SIM2: variants seen among roughly 807,000 people sequenced by gnomAD.
The protein encoded by SIM2 is single-minded homolog 2.
Under a neutral mutation model 64.8 loss-of-function variants are expected in SIM2, and 28 were observed. That is an observed-to-expected ratio of 0.43 (90% confidence interval 0.32 to 0.59). The LOEUF is 0.59. SIM2 is among the 20% of genes least tolerant of loss of function. The pLI is 0.07. For missense variants in SIM2, 847 were observed against 871.4 expected, an observed-to-expected ratio of 0.97 and a Z score of 0.35; for synonymous variants, 408 against 391.1, an observed-to-expected ratio of 1.04 and a Z score of -0.51.
At chr21:36,720,672 A>T in intron 4 of SIM2, 1 of 152,230 alleles carries the variant, frequency 6.6e-6, no homozygotes, top group East Asian at 1.9e-4. Flanking sequence ...ATGTATTTAA[A>T]AATGTTACTC....
chr21:36,742,785 G>A (rs933524719), intron 8 of SIM2, among the ~76,000 whole-genome samples: 3 of 152,228 alleles, frequency 2.0e-5, no homozygotes, highest in African/African-American at 7.2e-5. Flanking sequence ...TAGAAGTCAA[G>A]TGATTCTGAC....
Position 36,745,784 on chromosome 21 carries a change from C to A in SIM2, c.1576+648C>A. The A allele has an allele frequency of 7.7e-7, 1 of 1,303,582 alleles. No individual in the cohort carries two copies. The highest frequency in any genetic ancestry group is 1.0e-6 in the Non-Finnish European group (1 of 988,444). The allele number at this position is 1,303,582 out of a possible 1,614,324, so 80.8% of individuals were successfully genotyped here. On this transcript the variant is annotated intron_variant, in intron 10 of 10. Transcript: ENST00000290399. The surrounding 1 kb of genome is among the most constrained non-coding windows in gnomAD (Gnocchi z 4.8). ...AGAAAGGAATGGCCTTTCACCTTCTCCTGGTGGCAGGCAAGCAGATGTCCT... is the reference window on the plus strand; with the variant it reads ...AGAAAGGAATGGCCTTTCACCTTCTACTGGTGGCAGGCAAGCAGATGTCCT...
intron 5 of SIM2, among the ~76,000 whole-genome samples, chr21:36,723,795 A>G (rs2123459292): frequency 6.6e-6 from 1 of 152,298 alleles, no homozygotes; most frequent in South Asian, 2.1e-4. Context: ...TGTTCTTGTT[A>G]ATTCCAGAAT....
chr21:36,700,063 T>A (rs2088467365), intron 1 of SIM2, 142 bp downstream of exon 1: 3 of 839,586 alleles, frequency 3.6e-6, no homozygotes, highest in Non-Finnish European at 5.3e-6. Context: ...TGCGTGAGGG[T>A]CTTCGGCTTC....
At chr21:36,736,925 T>C (rs1204780142) in intron 7 of SIM2, among the ~76,000 whole-genome samples, 3 of 151,952 alleles carry the variant, frequency 2.0e-5, no homozygotes, top group Non-Finnish European at 4.4e-5. Flanking sequence ...TTCTCTCTCT[T>C]TCTTCATTTT....
chr21:36,747,943 G>A lies in SIM2; in HGVS notation c.1855G>A (p.Ala619Thr), dbSNP rs1282306789. ...ACCGCTGGGGGGCGCCGCACCCGCC[G>A]CCTCCGGCCTGGCCTGCGCTCCCGG... is the stretch of plus-strand genomic sequence containing the variant. ...RGPLGGAAPA[A>T]SGLACAPGGP... The change falls in exon 11 of 11, where the codon GCC becomes ACC. Residue 619 changes from alanine to threonine, a missense_variant. By Grantham distance (58) the Ala-to-Thr change is moderately conservative (BLOSUM62 0). Coordinates refer to ENST00000290399, the MANE Select transcript of SIM2 (RefSeq NM_005069.6). This position sits in a 1 kb window ranked among gnomAD's most constrained non-coding sequence, Gnocchi z 4.5. 9 of 1,021,702 alleles carry A rather than the reference G, an allele frequency of 8.8e-6. No homozygotes were observed. Among genetic ancestry groups the A allele is most frequent in the Non-Finnish European group, 1.1e-5 (9 of 856,448 alleles). 63.3% of individuals were successfully genotyped at this position (1,021,702 alleles called of 1,614,324 possible).
intron 6 of SIM2, among the ~76,000 whole-genome samples, chr21:36,728,551 C>A (rs551782648): frequency 6.6e-6 from 1 of 152,354 alleles, no homozygotes; most frequent in Admixed American, 6.5e-5. Context: ...CATCCTGCCT[C>A]TCCCAGATCT....
chr21:36,715,128 GC>G (rs1207887860), intron 3 of SIM2, among the ~76,000 whole-genome samples: 9 of 152,166 alleles, frequency 5.9e-5, no homozygotes, highest in African/African-American at 2.2e-4. Flanking sequence ...TCAGTTCACA[GC>G]TACAAAAACA....
intron 2 of SIM2, chr21:36,710,473 C>A (rs1339165053): frequency 6.6e-6 from 1 of 152,246 alleles, no homozygotes; most frequent in Admixed American, 6.5e-5. Context: ...CTTTCAAATG[C>A]CCTTTACAGA....
chr21:36,716,801 A>C (rs567959767), intron 3 of SIM2, among the ~76,000 whole-genome samples: 20 of 152,144 alleles, frequency 1.3e-4, no homozygotes, highest in Non-Finnish European at 2.6e-4. Context: ...ATCACATGGA[A>C]GGTCTGTTTT....
rs141225778 is a variant in SIM2, at chr21:36,736,074, C to T, written c.850+4923C>T. ...TGGCCCCGTGGCTGCCCGAGGGATGCGGGGACACAGGCAGCCTGCCAGCTT... is the reference window on the plus strand; with the variant it reads ...TGGCCCCGTGGCTGCCCGAGGGATGTGGGGACACAGGCAGCCTGCCAGCTT... On this transcript the variant is annotated intron_variant, in intron 7 of 10. Coordinates refer to ENST00000290399, the MANE Select transcript of SIM2 (RefSeq NM_005069.6). Among the ~76,000 whole-genome samples the T allele has an allele frequency of 8.0e-3, 1,218 of 152,308 alleles. 12 individuals carry two copies. Among genetic ancestry groups the T allele is most frequent in the African/African-American group, 0.028 (1,151 of 41,568 alleles).
intron 6 of SIM2, among the ~76,000 whole-genome samples, chr21:36,727,492 T>C (rs748947646): frequency 6.6e-6 from 1 of 152,246 alleles, no homozygotes; most frequent in Non-Finnish European, 1.5e-5. Context: ...TAGTCAGGCC[T>C]CTTCCATGTT....
chr21:36,719,085 G>C (rs2088784761), intron 3 of SIM2, among the ~76,000 whole-genome samples: 1 of 152,198 alleles, frequency 6.6e-6, no homozygotes, highest in Non-Finnish European at 1.5e-5. Flanking sequence ...AGCAACCCCA[G>C]GACATAATCC....
chr21:36,702,425 G>C (rs2088514359), intron 1 of SIM2, among the ~76,000 whole-genome samples: 1 of 152,242 alleles, frequency 6.6e-6, no homozygotes, highest in South Asian at 2.1e-4. Flanking sequence ...CAATGCCTGG[G>C]GTAGGGGTAG....
At chr21:36,703,793 G>A (rs986098826) in intron 1 of SIM2, among the ~76,000 whole-genome samples, 1 of 152,238 alleles carries the variant, frequency 6.6e-6, no homozygotes, top group Admixed American at 6.5e-5. Flanking sequence ...AGGGGCTTTG[G>A]AAACTGCAAA....
At position 36,723,128 on chromosome 21, in the gene SIM2, A is replaced by G. The variant is rs1462785003; in HGVS notation, c.541A>G (p.Lys181Glu). The G allele has an allele frequency of 1.2e-6, 2 of 1,613,782 alleles. No individual in the cohort carries two copies. The highest frequency in any genetic ancestry group is 2.2e-5 in the South Asian group (2 of 91,066). ...RNAGLTCSGY[K>E]VIHCSGYLKI... ...CGCGGGCCTGACCTGCAGCGGATAC[A>G]AGGTACGGGGAGTCATGGGTGCGGG... Residue 181 changes from lysine (K) to glutamate (E), a missense_variant and splice_region_variant, in exon 5 of 11, where the codon AAG becomes GAG. This residue lies in a region of SIM2 where 397 missense variants were observed against 439.2 expected (regional missense o/e 0.90). Coordinates refer to ENST00000290399, the MANE Select transcript of SIM2 (RefSeq NM_005069.6).
rs1170311172 is a variant in SIM2, at chr21:36,749,780, AG to A, written c.*1689del. On this transcript the variant is annotated 3_prime_UTR_variant, in exon 11 of 11. Coordinates refer to ENST00000290399, the MANE Select transcript of SIM2 (RefSeq NM_005069.6). The stretch of plus-strand genomic sequence containing the variant: ...AGATACCACCGACATTTTTCAATAA[AG>A]TACTGCAAAATGCTTTTGTGTCTAC... 1 of 152,226 alleles carries A rather than the reference AG, an allele frequency of 6.6e-6. No individual in the cohort carries two copies. Among genetic ancestry groups the A allele is most frequent in the Non-Finnish European group, 1.5e-5 (1 of 68,042 alleles). The allele number at this position is 152,226 out of a possible 1,614,324, so 9.4% of individuals were successfully genotyped here. A position where few individuals can be genotyped will look rare whatever the true frequency, so the allele number is the denominator to read the frequency against.
Position 36,745,556 on chromosome 21 carries a change from C to G in SIM2, c.1576+420C>G. 9.0e-7 allele frequency: 1 copy of G among 1,114,046 alleles called. No homozygotes were observed. Among genetic ancestry groups the G allele is most frequent in the South Asian group, 2.3e-5 (1 of 42,712 alleles). The allele number at this position is 1,114,046 out of a possible 1,614,324, so 69.0% of individuals were successfully genotyped here. ...GACAAACGGCCTATTGGCTATTTTCCCATGCCAGTTTTGGAAGTGGGGAAA... is the reference window on the plus strand; with the variant it reads ...GACAAACGGCCTATTGGCTATTTTCGCATGCCAGTTTTGGAAGTGGGGAAA... On this transcript the variant is annotated intron_variant, in intron 10 of 10. Coordinates refer to ENST00000290399, the MANE Select transcript of SIM2 (RefSeq NM_005069.6). The surrounding 1 kb of genome is among the most constrained non-coding windows in gnomAD (Gnocchi z 4.8).
Position 36,749,724 on chromosome 21 carries a change from A to G in SIM2, c.*1632A>G, listed in dbSNP as rs1215032077. The stretch of plus-strand genomic sequence containing the variant: ...TCATGAGTCTTGTAATTAAACCGTG[A>G]TTCTTGAAAGGTGTAGGTTTGATTA... On this transcript the variant is annotated 3_prime_UTR_variant, in exon 11 of 11. Transcript: ENST00000290399. 2 of 152,132 alleles carry G rather than the reference A, an allele frequency of 1.3e-5. No individual in the cohort carries two copies. The highest frequency in any genetic ancestry group is 2.9e-5 in the Non-Finnish European group (2 of 68,028). 9.4% of individuals were successfully genotyped at this position (152,132 alleles called of 1,614,324 possible). A position where few individuals can be genotyped will look rare whatever the true frequency, so the allele number is the denominator to read the frequency against.
Sources: allele counts gnomAD v4.1 joint callset (sites outside exome capture counted in the v4.1 genomes callset), GRCh38; gene constraint gnomAD v4.1.1; regional missense constraint gnomAD v4.1.1; non-coding constraint Gnocchi (gnomAD v3.1); transcripts MANE v1.5; gene names NCBI Gene and HGNC (gene_info 2026-07-23, HGNC 2026-07-21).